SRBD1: variants seen among roughly 807,000 people sequenced by gnomAD.
The protein encoded by SRBD1 is S1 RNA binding domain 1, also known as S1 RNA-binding domain-containing protein 1.
SRBD1 carries 88 observed loss-of-function variants against 115.3 expected under a neutral mutation model. The observed-to-expected ratio is 0.76, with a 90% CI of 0.64 to 0.91. SRBD1 has a LOEUF of 0.91. Among genes scored for constraint, SRBD1 ranks in the 40% least tolerant of loss-of-function variants. The pLI, the probability that SRBD1 is intolerant of heterozygous loss-of-function variation, is 0.00. For missense variants in SRBD1, 1,385 were observed against 1,177.4 expected (o/e 1.18, Z -2.58); for synonymous variants, 509 against 407.7 (o/e 1.25, Z -2.99).
rs1672284850 is a variant in SRBD1 at position 45,551,135 on chromosome 2, A to T, written c.1665T>A (p.Ile555=). 6.3e-7 allele frequency: 1 copy of T among 1,593,524 alleles called. No homozygotes were observed. The highest frequency in any genetic ancestry group is 1.4e-5 in the African/African-American group (1 of 73,650). ...GYKHGCKLAI[I]SPTSQILHTD... is the part of the protein sequence containing the mutation. Reference sequence around the variant, plus strand: ...TGCAAGACAACTTACTAGTAGGAGAAATTATAGCTAATTTGCAACCATGTT... The same window carrying T: ...TGCAAGACAACTTACTAGTAGGAGATATTATAGCTAATTTGCAACCATGTT... The change falls in exon 12 of 21, where the codon ATT becomes ATA. Residue 555 remains isoleucine (I), a synonymous_variant. Transcript: ENST00000263736.
chr2:45,429,546 C>T (rs1333499733), intron 16 of SRBD1, among the ~76,000 whole-genome samples: 1 of 152,082 alleles, frequency 6.6e-6, no homozygotes, highest in East Asian at 1.9e-4. Flanking sequence ...ACAAAAACTA[C>T]ATGATTATCT....
intron 16 of SRBD1, chr2:45,447,828 TTA>T (rs1668873720): frequency 6.6e-6 from 1 of 152,178 alleles, no homozygotes; most frequent in Non-Finnish European, 1.5e-5. Flanking sequence ...TAATATAATT[TTA>T]TATAAGTGTA....
At chr2:45,550,679 G>T (rs1349999104) in intron 12 of SRBD1, among the ~76,000 whole-genome samples, 1 of 152,058 alleles carries the variant, frequency 6.6e-6, no homozygotes, top group South Asian at 2.1e-4. Flanking sequence ...GAAAGAAAAT[G>T]ATCTCAAATG....
intron 16 of SRBD1, among the ~76,000 whole-genome samples, chr2:45,440,119 C>A (rs1435900552): frequency 6.6e-6 from 1 of 152,102 alleles, no homozygotes; most frequent in Non-Finnish European, 1.5e-5. Flanking sequence ...TAGTTAGCTG[C>A]TTGTTTGGTT....
chr2:45,488,403 A>C, intron 14 of SRBD1, 72 bp from the exon 15 acceptor site: 1 of 1,278,678 alleles, frequency 7.8e-7, no homozygotes, highest in South Asian at 1.3e-5. Flanking sequence ...AATGAATGAA[A>C]CCAGGCATTA....
Position 45,546,566 on chromosome 2 carries a change from G to A in SRBD1, c.1874+166C>T, listed in dbSNP as rs189432379. On this transcript the variant is annotated intron_variant, in intron 14 of 20. Transcript: ENST00000263736. ...TCATTCCTGTCTCAAATTTCTCCAA[G>A]AGTCAGACACTTTACATTATCCTGC... Among the ~76,000 whole-genome samples the A allele has an allele frequency of 5.3e-5, 8 of 152,280 alleles. No homozygotes were observed. In the East Asian group the frequency reaches 1.5e-3, roughly 29 times the overall value.
chr2:45,502,582 C>G (rs956452974), intron 14 of SRBD1, among the ~76,000 whole-genome samples: 2 of 149,630 alleles, frequency 1.3e-5, no homozygotes, highest in East Asian at 3.9e-4. Context: ...ATCGCAGGGA[C>G]AGAAAACCAT....
chr2:45,546,979 A>G, intron 13 of SRBD1, 140 bp from the exon 14 acceptor site: 1 of 761,972 alleles, frequency 1.3e-6, no homozygotes, highest in East Asian at 2.7e-5. Flanking sequence ...CCACTGTTGC[A>G]TAAGGAAAAC....
At chr2:45,595,368 G>A (rs1434147500) in intron 4 of SRBD1, among the ~76,000 whole-genome samples, 1 of 152,198 alleles carries the variant, frequency 6.6e-6, no homozygotes, top group Non-Finnish European at 1.5e-5. Context: ...TGTTCAACTA[G>A]TAATACTTAA....
intron 14 of SRBD1, among the ~76,000 whole-genome samples, chr2:45,544,164 T>C (rs1206271844): frequency 2.2e-5 from 3 of 138,324 alleles, no homozygotes; most frequent in Non-Finnish European, 4.5e-5. Context: ...ACCTGGGAGG[T>C]GGAGCTTGCA....
In SRBD1 at chr2:45,580,031, A is replaced by C; in HGVS notation, c.934-18T>G. On this transcript the variant is annotated intron_variant, in intron 6 of 20. Transcript: ENST00000263736. ...GGAGCAGACTAGAAAATAAAGACAG[A>C]AAACATATGATTATGTTTTAAAAAA... 1.3e-6 allele frequency: 2 copies of C among 1,489,404 alleles called. No individual in the cohort carries two copies. Among genetic ancestry groups the C allele is most frequent in the Non-Finnish European group, 1.8e-6 (2 of 1,115,886 alleles). The allele number at this position is 1,489,404 out of a possible 1,614,324, so 92.3% of individuals were successfully genotyped here. A position where few individuals can be genotyped will look rare whatever the true frequency, so the allele number is the denominator to read the frequency against.
rs368201765 is a variant in SRBD1 at position 45,574,581 on chromosome 2, C to A, written c.1169+46G>T. On this transcript the variant is annotated intron_variant, in intron 8 of 20. Transcript: ENST00000263736. The stretch of plus-strand genomic sequence containing the variant: ...TTAGCACTAACCGTGTGACCCTTAA[C>A]AGCATGAGTCCATAAAGCAGAAAAC... The A allele has an allele frequency of 3.2e-6, 5 of 1,558,568 alleles. No individual in the cohort carries two copies. The African/African-American group carries it at 6.9e-5, about 21-fold the overall frequency.
At chr2:45,528,573 A>T (rs1402464036) in intron 14 of SRBD1, among the ~76,000 whole-genome samples, 1 of 151,870 alleles carries the variant, frequency 6.6e-6, no homozygotes, top group Non-Finnish European at 1.5e-5. Context: ...CCAGAGGGGT[A>T]CTCTAGAGAC....
intron 16 of SRBD1, among the ~76,000 whole-genome samples, chr2:45,435,956 C>G (rs1033584016): frequency 6.6e-6 from 1 of 152,032 alleles, no homozygotes; most frequent in Admixed American, 6.5e-5. Flanking sequence ...AAAGACATTA[C>G]AAGAAAATGA....
chr2:45,496,482 A>G (rs1385302468), intron 14 of SRBD1, among the ~76,000 whole-genome samples: 1 of 152,130 alleles, frequency 6.6e-6, no homozygotes, highest in Non-Finnish European at 1.5e-5. Flanking sequence ...TAAAATAATA[A>G]TAATAATTAA....
intron 19 of SRBD1, among the ~76,000 whole-genome samples, chr2:45,411,125 T>A (rs1443469029): frequency 6.6e-6 from 1 of 152,144 alleles, no homozygotes; most frequent in Non-Finnish European, 1.5e-5. Flanking sequence ...ACCTGTGGGA[T>A]CTGACACTAT....
intron 19 of SRBD1, among the ~76,000 whole-genome samples, chr2:45,404,339 A>C (rs1442198193): frequency 6.6e-6 from 1 of 152,116 alleles, no homozygotes; most frequent in African/African-American, 2.4e-5. Context: ...ATTTGGAAGT[A>C]ATGTGCTTAT....
chr2:45,467,193 A>G (rs1351888349), intron 16 of SRBD1, among the ~76,000 whole-genome samples: 1 of 152,196 alleles, frequency 6.6e-6, no homozygotes, highest in Non-Finnish European at 1.5e-5. Flanking sequence ...CTGTATTTTC[A>G]GAACTAGTGA....
chr2:45,454,748 G>T (rs1048952470), intron 16 of SRBD1, among the ~76,000 whole-genome samples: 3 of 151,690 alleles, frequency 2.0e-5, no homozygotes, highest in African/African-American at 7.3e-5. Flanking sequence ...CAAACAGCAC[G>T]GTTTTTCATG....
Sources: allele counts gnomAD v4.1 joint callset (sites outside exome capture counted in the v4.1 genomes callset), GRCh38; gene constraint gnomAD v4.1.1; transcripts MANE v1.5; gene names NCBI Gene and HGNC (gene_info 2026-07-23, HGNC 2026-07-21).